Variants in PELP1 observed in about 807,000 individuals in gnomAD.
PELP1 encodes the protein proline, glutamate and leucine rich protein 1.
A neutral mutation model predicts 95.5 loss-of-function variants in PELP1; 32 were observed. The ratio of observed to expected loss-of-function variants is 0.34; its 90% CI spans 0.25 to 0.45. The LOEUF is 0.45. Ranked by LOEUF, PELP1 falls within the 20% of genes least tolerant of loss-of-function variation. PELP1 has a pLI of 1.00. For missense variants in PELP1, 1,358 were observed against 1,444.8 expected, an observed-to-expected ratio of 0.94 and a Z score of 0.97; for synonymous variants, 668 against 600.1, an observed-to-expected ratio of 1.11 and a Z score of -1.65.
intron 3 of PELP1, among the ~76,000 whole-genome samples, chr17:4,686,119 C>A (rs1382380853): frequency 1.3e-5 from 2 of 151,998 alleles, no homozygotes; most frequent in African/African-American, 4.8e-5. Context: ...ACTAAAGCCT[C>A]CACCCACTGA....
chr17:4,684,246 C>T (rs1263281237), intron 3 of PELP1, among the ~76,000 whole-genome samples: 1 of 152,158 alleles, frequency 6.6e-6, no homozygotes, highest in Non-Finnish European at 1.5e-5. Context: ...GCCCTCATCC[C>T]TGTCCAGTAA....
intron 3 of PELP1, among the ~76,000 whole-genome samples, chr17:4,684,576 T>C (rs1229643407): frequency 2.6e-5 from 4 of 151,950 alleles, no homozygotes; most frequent in Non-Finnish European, 5.9e-5. Context: ...TCTCAGAACC[T>C]TACACTGTCA....
intron 3 of PELP1, among the ~76,000 whole-genome samples, chr17:4,686,073 G>C (rs947109689): frequency 2.0e-5 from 3 of 151,970 alleles, no homozygotes; most frequent in Non-Finnish European, 4.4e-5. Flanking sequence ...CTCCAGCCTG[G>C]GCCACAGAGC....
chr17:4,672,122 G>T lies in PELP1; in HGVS notation c.2869C>A (p.Leu957Met). ...AACTCCAGGTCTTCCACCTCTTCCA[G>T]TTCTTCTTCCTCCTCCTCATCCTCC... ...EEEDEEEEEE[L>M]EEVEDLEFGT... is the part of the protein sequence containing the mutation. Residue 957 changes from leucine to methionine, a missense_variant, in exon 16 of 17, where the codon CTG becomes ATG. By Grantham distance (15) the Leu-to-Met change is conservative. This residue lies in a region of PELP1 where 283 missense variants were observed against 284.1 expected (regional missense o/e 1.00). Coordinates refer to ENST00000572293, the MANE Select transcript of PELP1 (RefSeq NM_014389.3). The T allele has an allele frequency of 6.4e-7, 1 of 1,552,872 alleles. No individual in the cohort carries two copies. Among genetic ancestry groups the T allele is most frequent in the Non-Finnish European group, 8.7e-7 (1 of 1,147,690 alleles).
chr17:4,671,644 C>T, intron 16 of PELP1, 47 bp downstream of exon 16: 1 of 1,601,778 alleles, frequency 6.2e-7, no homozygotes, highest in Non-Finnish European at 8.5e-7. Flanking sequence ...CTTCTCCCGC[C>T]AGCCCCACCT....
intron 1 of PELP1, among the ~76,000 whole-genome samples, chr17:4,697,668 T>C (rs1420883609): frequency 1.3e-5 from 2 of 152,220 alleles, no homozygotes; most frequent in Admixed American, 1.3e-4. Context: ...ACTTAATGTC[T>C]TGATGGACAC....
chr17:4,703,499 G>A (rs1913629382), intron 1 of PELP1, among the ~76,000 whole-genome samples: 1 of 152,126 alleles, frequency 6.6e-6, no homozygotes, highest in Non-Finnish European at 1.5e-5. Context: ...CTCGGTAAAT[G>A]TTTATTGTTG....
rs1465205755 is a variant in PELP1 at position 4,670,574 on chromosome 17, T to A, written c.*865A>T. 1 of 152,104 alleles carries A rather than the reference T, an allele frequency of 6.6e-6. No individual in the cohort carries two copies. The highest frequency in any genetic ancestry group is 1.5e-5 in the Non-Finnish European group (1 of 68,086). The allele number at this position is 152,104 out of a possible 1,614,324, so 9.4% of individuals were successfully genotyped here. A position where few individuals can be genotyped will look rare whatever the true frequency, so the allele number is the denominator to read the frequency against. ...CCCACCTCTACTAAAAATACAAAAA[T>A]TAGCCAGGCAGTGGCAGGCGCCTGT... On this transcript the variant is annotated 3_prime_UTR_variant, in exon 17 of 17. Transcript: ENST00000572293.
At chr17:4,697,540 A>C (rs1913343644) in intron 1 of PELP1, among the ~76,000 whole-genome samples, 2 of 152,204 alleles carry the variant, frequency 1.3e-5, no homozygotes. Flanking sequence ...AAAAACAAAA[A>C]GACAGGGGAG....
chr17:4,689,610 C>A (rs2150562051), intron 3 of PELP1, among the ~76,000 whole-genome samples: 1 of 152,284 alleles, frequency 6.6e-6, no homozygotes, highest in African/African-American at 2.4e-5. Context: ...TGGACATCTA[C>A]CAGAGGAAAA....
chr17:4,702,762 C>T (rs1485517558), intron 1 of PELP1, among the ~76,000 whole-genome samples: 1 of 152,106 alleles, frequency 6.6e-6, no homozygotes, highest in Non-Finnish European at 1.5e-5. Flanking sequence ...CACAGAAGAT[C>T]TCGTGTTTAT....
At position 4,673,604 on chromosome 17, in the gene PELP1, C is replaced by T. The variant is rs1420074444; in HGVS notation, c.1638+15G>A. The T allele has an allele frequency of 1.2e-6, 2 of 1,612,358 alleles. No homozygotes were observed. The highest frequency in any genetic ancestry group is 1.7e-5 in the Admixed American group (1 of 60,016). ...GCCCCTTCCCCTATCTCCACGGAGACGAGGCTCCACTAACCCTGTGAGTCT... is the reference window on the plus strand; with the variant it reads ...GCCCCTTCCCCTATCTCCACGGAGATGAGGCTCCACTAACCCTGTGAGTCT... On this transcript the variant is annotated intron_variant, in intron 14 of 16. Transcript: ENST00000572293. The surrounding 1 kb of genome is among the most constrained non-coding windows in gnomAD (Gnocchi z 5.7).
chr17:4,678,064 A>C (rs1006200093), intron 5 of PELP1, among the ~76,000 whole-genome samples: 1 of 151,226 alleles, frequency 6.6e-6, no homozygotes, highest in Non-Finnish European at 1.5e-5. Flanking sequence ...AAGTACAAAA[A>C]TTAGCTGGGC....
intron 1 of PELP1, 35 bp downstream of exon 1, chr17:4,703,828 C>A: frequency 6.3e-7 from 1 of 1,577,700 alleles, no homozygotes; most frequent in South Asian, 1.1e-5. Flanking sequence ...GCCATCCTCC[C>A]CACAGGGCCG....
chr17:4,696,682 AAT>A (rs1410388141), intron 1 of PELP1: 2 of 152,218 alleles, frequency 1.3e-5, no homozygotes, highest in Non-Finnish European at 2.9e-5. Flanking sequence ...AGGTTACTGT[AAT>A]ATTCCAGACA....
At position 4,671,891 on chromosome 17, in the gene PELP1, G is replaced by C; in HGVS notation, c.3100C>G (p.Gln1034Glu). The C allele has an allele frequency of 3.3e-6, 5 of 1,514,118 alleles. No homozygotes were observed. The highest frequency in any genetic ancestry group is 3.5e-6 in the Non-Finnish European group (4 of 1,134,958). 93.8% of individuals were successfully genotyped at this position (1,514,118 alleles called of 1,614,324 possible). A position where few individuals can be genotyped will look rare whatever the true frequency, so the allele number is the denominator to read the frequency against. ...TCCCCTTCCCTCTCCACCTCTCCCT[G>C]GGAGGGGAGCGCTTCAGGGGCCAGG... Reference protein sequence around the residue: ...PTLAPEALPSQGEVEREGESP... With the variant: ...PTLAPEALPSEGEVEREGESP... Residue 1034 changes from glutamine (Q) to glutamate (E), a missense_variant, in exon 16 of 17, where the codon CAG becomes GAG. Physicochemically the swap from Gln to Glu is conservative, Grantham distance 29. This residue lies in a region of PELP1 where 283 missense variants were observed against 284.1 expected (regional missense o/e 1.00). Transcript: ENST00000572293.
intron 3 of PELP1, among the ~76,000 whole-genome samples, chr17:4,686,709 G>T (rs895248215): frequency 6.6e-6 from 1 of 151,992 alleles, no homozygotes; most frequent in Non-Finnish European, 1.5e-5. Flanking sequence ...GTAGAAACAG[G>T]GTTTCACCAT....
rs751209564 is a variant in PELP1, at chr17:4,672,796, G to T, written c.2195C>A (p.Ala732Glu). ...AAGGATGGGGTCCTCATTTGAGCCT[G>T]CCCGGTGGTTCTCAGGGCCAGGAAG... is the stretch of plus-strand genomic sequence containing the variant. ...RLLPGPENHRAGSNEDPILAP... is the reference protein window; with the variant it reads ...RLLPGPENHREGSNEDPILAP... Residue 732 changes from alanine (A) to glutamate (E), a missense_variant, in exon 16 of 17, where the codon GCA becomes GAA. By Grantham distance (107) the Ala-to-Glu change is moderately radical (BLOSUM62 -1). Transcript: ENST00000572293. 3.7e-6 allele frequency: 6 copies of T among 1,613,732 alleles called. No homozygotes were observed. Among genetic ancestry groups the T allele is most frequent in the Non-Finnish European group, 5.1e-6 (6 of 1,179,806 alleles).
intron 1 of PELP1, among the ~76,000 whole-genome samples, chr17:4,693,145 T>C (rs1913173999): frequency 6.6e-6 from 1 of 152,224 alleles, no homozygotes; most frequent in South Asian, 2.1e-4. Flanking sequence ...CTCAAAAAGT[T>C]ATACATAGAG....
Sources: allele counts gnomAD v4.1 joint callset (sites outside exome capture counted in the v4.1 genomes callset), GRCh38; gene constraint gnomAD v4.1.1; regional missense constraint gnomAD v4.1.1; non-coding constraint Gnocchi (gnomAD v3.1); transcripts MANE v1.5; gene names NCBI Gene and HGNC (gene_info 2026-07-23, HGNC 2026-07-21).